The following ZDHHC14 variants were observed in gnomAD, a reference collection of about 807,000 sequenced individuals.
ZDHHC14 encodes palmitoyltransferase ZDHHC14.
In ZDHHC14, 16 loss-of-function variants were observed where a neutral mutation model predicts 47.7. That is an observed-to-expected ratio of 0.34 (90% CI 0.23 to 0.51). The LOEUF is 0.51. Among genes scored for constraint, ZDHHC14 ranks in the 20% least tolerant of loss-of-function variants. ZDHHC14 has a pLI of 0.97. For missense variants in ZDHHC14, 515 were observed against 662.5 expected (o/e 0.78, Z 2.44); for synonymous variants, 293 against 278.9 (o/e 1.05, Z -0.50).
At chr6:157,535,866 G>T (rs1389084527) in intron 1 of ZDHHC14, among the ~76,000 whole-genome samples, 1 of 152,184 alleles carries the variant, frequency 6.6e-6, no homozygotes, top group African/African-American at 2.4e-5. Context: ...TGTGGTGGTA[G>T]ATTTATTTCT....
chr6:157,671,191 A>G (rs1778779680), intron 8 of ZDHHC14, among the ~76,000 whole-genome samples: 1 of 152,212 alleles, frequency 6.6e-6, no homozygotes, highest in African/African-American at 2.4e-5. Context: ...ATAATAAGCC[A>G]AATAACATTT....
At chr6:157,522,981 TTTTTC>T (rs1274579627) in intron 1 of ZDHHC14, among the ~76,000 whole-genome samples, 9 of 29,802 alleles carry the variant, frequency 3.0e-4, no homozygotes, top group South Asian at 1.8e-3. Flanking sequence ...TTTTCTTTTC[TTTTTC>T]TTTTCTTTTC....
chr6:157,486,969 G>T (rs957089692), intron 1 of ZDHHC14, among the ~76,000 whole-genome samples: 1 of 152,226 alleles, frequency 6.6e-6, no homozygotes, highest in Non-Finnish European at 1.5e-5. Flanking sequence ...CCCAGCTACA[G>T]CATTGGTAGG....
chr6:157,407,825 G>C (rs1247919335), intron 1 of ZDHHC14, among the ~76,000 whole-genome samples: 1 of 152,202 alleles, frequency 6.6e-6, no homozygotes, highest in East Asian at 1.9e-4. Context: ...GATGGCATGT[G>C]AACTTAGAAC....
intron 1 of ZDHHC14, among the ~76,000 whole-genome samples, chr6:157,511,660 C>G (rs1228988673): frequency 6.6e-6 from 1 of 151,482 alleles, no homozygotes; most frequent in Non-Finnish European, 1.5e-5. Context: ...TACCAAAGTG[C>G]TGGGTTTACA....
chr6:157,410,222 T>A (rs952795009), intron 1 of ZDHHC14, among the ~76,000 whole-genome samples: 1 of 152,180 alleles, frequency 6.6e-6, no homozygotes, highest in Non-Finnish European at 1.5e-5. Flanking sequence ...TAGTGGCATT[T>A]TTTTGTTTTT....
intron 8 of ZDHHC14, among the ~76,000 whole-genome samples, chr6:157,665,995 A>G (rs1778538027): frequency 6.6e-6 from 1 of 152,172 alleles, no homozygotes; most frequent in Non-Finnish European, 1.5e-5. Context: ...CATTTTCATT[A>G]TTGCTGCTTC....
chr6:157,468,985 G>A (rs989261401), intron 1 of ZDHHC14, among the ~76,000 whole-genome samples: 22 of 152,200 alleles, frequency 1.4e-4, no homozygotes, highest in Non-Finnish European at 3.1e-4. Context: ...ATCTTCCCAG[G>A]AGATGATATT....
rs539031886 is a variant in ZDHHC14, at chr6:157,524,322, T to C, written c.246-18263T>C. Among the ~76,000 whole-genome samples the C allele has an allele frequency of 3.5e-4, 53 of 152,202 alleles. 1 individual carries two copies. The South Asian group carries it at 0.011, about 31-fold the overall frequency. ...CTAATTTTTGTATTTTTAGTAGAGA[T>C]GGGGTTTCACCATGTTAGCCAGGCT... On this transcript the variant is annotated intron_variant, in intron 1 of 8. Coordinates refer to ENST00000359775, the MANE Select transcript of ZDHHC14 (RefSeq NM_024630.3).
At chr6:157,443,416 G>T (rs1174242756) in intron 1 of ZDHHC14, among the ~76,000 whole-genome samples, 4 of 152,106 alleles carry the variant, frequency 2.6e-5, no homozygotes. Context: ...AGCACCCGGG[G>T]TGATCCTATC....
chr6:157,474,082 G>A lies in ZDHHC14; in HGVS notation c.246-68503G>A, dbSNP rs185386260. Among the ~76,000 whole-genome samples, 361 of 150,690 alleles carry A rather than the reference G, an allele frequency of 2.4e-3. 4 individuals are homozygous for A. Among genetic ancestry groups the A allele is most frequent in the African/African-American group, 8.3e-3 (339 of 41,018 alleles). On this transcript the variant is annotated intron_variant, in intron 1 of 8. Coordinates refer to ENST00000359775, the MANE Select transcript of ZDHHC14 (RefSeq NM_024630.3). ...AGACTCACTGCAGCCTCCACCTCCC[G>A]GGTTCAAGCAATTCTCCTGCTTCAG...
chr6:157,402,563 A>G (rs141349969), intron 1 of ZDHHC14, among the ~76,000 whole-genome samples: 11 of 152,356 alleles, frequency 7.2e-5, no homozygotes, highest in African/African-American at 2.6e-4. Context: ...GAAGTGGGAT[A>G]TGATGGTCCC....
At chr6:157,628,715 C>T (rs1474794038) in intron 4 of ZDHHC14, 2 of 531,980 alleles carry the variant, frequency 3.8e-6, no homozygotes. Flanking sequence ...ACAGCACTTT[C>T]CAGGGGTCGC....
At chr6:157,507,702 T>C (rs373971810) in intron 1 of ZDHHC14, among the ~76,000 whole-genome samples, 2 of 152,208 alleles carry the variant, frequency 1.3e-5, no homozygotes, top group African/African-American at 2.4e-5. Context: ...TCCACTTCAG[T>C]TGGACTGGCC....
At chr6:157,494,527 G>GC (rs561554843) in intron 1 of ZDHHC14, among the ~76,000 whole-genome samples, 40 of 152,294 alleles carry the variant, frequency 2.6e-4, no homozygotes, top group African/African-American at 9.1e-4. Flanking sequence ...CATGTGGCCT[G>GC]GACTGCAGGG....
intron 3 of ZDHHC14, among the ~76,000 whole-genome samples, chr6:157,598,531 C>T (rs1438650299): frequency 6.6e-6 from 1 of 152,078 alleles, no homozygotes; most frequent in African/African-American, 2.4e-5. Flanking sequence ...TCAAGGCAGA[C>T]AGTATTGTAT....
chr6:157,592,053 T>C (rs565791159), intron 2 of ZDHHC14, among the ~76,000 whole-genome samples: 1 of 151,790 alleles, frequency 6.6e-6, no homozygotes, highest in East Asian at 1.9e-4. Flanking sequence ...CTCTGAGGAG[T>C]CTAGGTGAAA....
chr6:157,520,809 T>G (rs1205485958), intron 1 of ZDHHC14, among the ~76,000 whole-genome samples: 1 of 152,180 alleles, frequency 6.6e-6, no homozygotes, highest in Non-Finnish European at 1.5e-5. Flanking sequence ...GAATGGCTGG[T>G]TGTTCCTTTT....
At position 157,586,242 on chromosome 6, in the gene ZDHHC14, A is replaced by C. The variant is rs1783693325; in HGVS notation, c.407-6746A>C. Among the ~76,000 whole-genome samples the C allele has an allele frequency of 1.3e-5, 2 of 152,174 alleles. No homozygotes were observed. The highest frequency in any genetic ancestry group is 4.8e-5 in the African/African-American group (2 of 41,438). On this transcript the variant is annotated intron_variant, in intron 2 of 8. Transcript: ENST00000359775. The surrounding 1 kb of genome is among the most constrained non-coding windows in gnomAD (Gnocchi z 4.6). ...TACAGATCTAGTGGCTGGATAAATA[A>C]AACAAGGCAGGCGCAGTGAGAGCCC...
Sources: allele counts gnomAD v4.1 joint callset (sites outside exome capture counted in the v4.1 genomes callset), GRCh38; gene constraint gnomAD v4.1.1; non-coding constraint Gnocchi (gnomAD v3.1); transcripts MANE v1.5; gene names NCBI Gene and HGNC (gene_info 2026-07-23, HGNC 2026-07-21).